The following LPP variants were observed in gnomAD, a reference collection of about 807,000 sequenced individuals.
LPP encodes lipoma-preferred partner.
In LPP, 38 loss-of-function variants were observed where a neutral mutation model predicts 60.4. The ratio of observed to expected loss-of-function variants is 0.63; its 90% CI spans 0.49 to 0.83. The LOEUF is 0.83. Among genes scored for constraint, LPP ranks in the 40% least tolerant of loss-of-function variants. The probability of loss-of-function intolerance (pLI) is 0.00; values close to 1 mark genes in which losing one functional copy is unlikely to be tolerated. For synonymous variants in LPP, 328 were observed against 290.8 expected, an observed-to-expected ratio of 1.13 and a Z score of -1.30; for missense variants, 902 against 783.6, an observed-to-expected ratio of 1.15 and a Z score of -1.80.
At chr3:188,580,893 G>A (rs749852147) in intron 6 of LPP, among the ~76,000 whole-genome samples, 1 of 152,014 alleles carries the variant, frequency 6.6e-6, no homozygotes, top group Non-Finnish European at 1.5e-5. Context: ...GAAGCTACTT[G>A]CCACAATGAG....
chr3:188,232,535 T>C (rs1720461717), intron 2 of LPP, among the ~76,000 whole-genome samples: 1 of 147,548 alleles, frequency 6.8e-6, no homozygotes, highest in East Asian at 2.0e-4. Context: ...TTTGTATTTT[T>C]AGTAGAGGAG....
intron 9 of LPP, among the ~76,000 whole-genome samples, chr3:188,857,992 G>C (rs1764245761): frequency 6.6e-6 from 1 of 152,094 alleles, no homozygotes. Context: ...GATAATATGT[G>C]AACTCATTTA....
chr3:188,559,353 T>C (rs1830172328), intron 6 of LPP, among the ~76,000 whole-genome samples: 1 of 152,066 alleles, frequency 6.6e-6, no homozygotes, highest in Non-Finnish European at 1.5e-5. Context: ...CAGATATATA[T>C]GTAGTGTAAC....
chr3:188,234,797 G>A (rs139247890), intron 2 of LPP, among the ~76,000 whole-genome samples: 7 of 152,258 alleles, frequency 4.6e-5, no homozygotes, highest in African/African-American at 1.7e-4. Flanking sequence ...TTGCTTCCTA[G>A]GAGTTATGAT....
At chr3:188,163,258 G>C (rs1233900267) in intron 1 of LPP, among the ~76,000 whole-genome samples, 1 of 152,160 alleles carries the variant, frequency 6.6e-6, no homozygotes, top group African/African-American at 2.4e-5. Context: ...GTGAAACCAG[G>C]TCTTCTTCAG....
At chr3:188,703,711 T>C (rs763562232) in intron 7 of LPP, among the ~76,000 whole-genome samples, 1 of 152,194 alleles carries the variant, frequency 6.6e-6, no homozygotes, top group Admixed American at 6.5e-5. Context: ...TTTCCAAGTG[T>C]TATTTCAGAA....
In LPP at chr3:188,694,879, A is replaced by G. The variant is rs192102130; in HGVS notation, c.1114-13388A>G. ...TAAGAAAGGTTCTTTTGATAGTTCAAGACTTTGTAATGTATGTGAAATTCC... is the reference window on the plus strand; with the variant it reads ...TAAGAAAGGTTCTTTTGATAGTTCAGGACTTTGTAATGTATGTGAAATTCC... On this transcript the variant is annotated intron_variant, in intron 7 of 11. Transcript: ENST00000617246. 2.9e-3 allele frequency among the ~76,000 whole-genome samples: 448 copies of G among 152,302 alleles called. 1 individual carries two copies. The highest frequency in any genetic ancestry group is 5.1e-3 in the Non-Finnish European group (344 of 68,030).
intron 9 of LPP, among the ~76,000 whole-genome samples, chr3:188,791,063 G>A (rs141749266): frequency 7.2e-5 from 11 of 152,216 alleles, no homozygotes; most frequent in African/African-American, 1.9e-4. Context: ...ATGGACAAGC[G>A]GGTGACTTAC....
chr3:188,612,426 T>C (rs1366191054), intron 7 of LPP, among the ~76,000 whole-genome samples: 1 of 152,228 alleles, frequency 6.6e-6, no homozygotes, highest in Non-Finnish European at 1.5e-5. Flanking sequence ...TTTGGCTTAA[T>C]TATGTGACTA....
chr3:188,589,447 T>A (rs1354766013), intron 6 of LPP, among the ~76,000 whole-genome samples: 1 of 152,096 alleles, frequency 6.6e-6, no homozygotes, highest in Non-Finnish European at 1.5e-5. Flanking sequence ...ATTAGATAAA[T>A]AAGATATGTA....
chr3:188,465,526 A>T (rs916630125), intron 4 of LPP, among the ~76,000 whole-genome samples: 2 of 152,188 alleles, frequency 1.3e-5, no homozygotes, highest in Admixed American at 1.3e-4. Flanking sequence ...CTTCATTCCA[A>T]AGAATGTGTG....
chr3:188,376,742 G>A (rs1775223923), intron 3 of LPP, among the ~76,000 whole-genome samples: 1 of 152,162 alleles, frequency 6.6e-6, no homozygotes, highest in Non-Finnish European at 1.5e-5. Flanking sequence ...ATTCGATCCT[G>A]TCATTATGAT....
At chr3:188,783,981 TA>T (rs1740704145) in intron 9 of LPP, among the ~76,000 whole-genome samples, 1 of 152,106 alleles carries the variant, frequency 6.6e-6, no homozygotes, top group South Asian at 2.1e-4. Context: ...GTTACATGAG[TA>T]AGTTCTTAGT....
At chr3:188,382,965 G>A (rs968290239) in intron 3 of LPP, among the ~76,000 whole-genome samples, 3 of 152,122 alleles carry the variant, frequency 2.0e-5, no homozygotes, top group Non-Finnish European at 2.9e-5. Flanking sequence ...CTTAAAACCC[G>A]TAGGGACATA....
At chr3:188,722,426 A>G (rs988615233) in intron 8 of LPP, among the ~76,000 whole-genome samples, 1 of 152,202 alleles carries the variant, frequency 6.6e-6, no homozygotes, top group Non-Finnish European at 1.5e-5. Flanking sequence ...TGAATAATTC[A>G]TCTTTTGTCA....
At position 188,828,474 on chromosome 3, in the gene LPP, G is replaced by A. The variant is rs553894081; in HGVS notation, c.1411-37726G>A. 1.0e-3 allele frequency among the ~76,000 whole-genome samples: 157 copies of A among 151,444 alleles called. 1 individual carries two copies. Among genetic ancestry groups the A allele is most frequent in the Non-Finnish European group, 2.0e-3 (137 of 67,840 alleles). ...ACAAAAAAAAAAAAAAATTAGCTGG[G>A]CATGGTGGCGGGCACCTGTAATCCT... is the stretch of plus-strand genomic sequence containing the variant. On this transcript the variant is annotated intron_variant, in intron 9 of 11. Coordinates refer to ENST00000617246, the MANE Select transcript of LPP (RefSeq NM_001375462.1).
chr3:188,291,456 G>A (rs998269070), intron 2 of LPP, among the ~76,000 whole-genome samples: 2 of 151,814 alleles, frequency 1.3e-5, no homozygotes, highest in African/African-American at 4.8e-5. Context: ...TGGCTAACAC[G>A]GTGAAACCCC....
intron 6 of LPP, among the ~76,000 whole-genome samples, chr3:188,539,146 A>C (rs1432416931): frequency 1.3e-5 from 2 of 152,204 alleles, no homozygotes; most frequent in Non-Finnish European, 2.9e-5. Context: ...TAAAGGGCAT[A>C]TTTTATGGTA....
chr3:188,728,448 T>C (rs1055670595), intron 8 of LPP, among the ~76,000 whole-genome samples: 1 of 152,204 alleles, frequency 6.6e-6, no homozygotes, highest in African/African-American at 2.4e-5. Flanking sequence ...ATTTGATGGT[T>C]CTGGAGTAAT....
Sources: gnomAD v4.1 joint callset for allele counts (sites outside exome capture counted in the v4.1 genomes callset) on GRCh38, gnomAD v4.1.1 for gene constraint, MANE v1.5 for transcripts, NCBI Gene and HGNC (gene_info 2026-07-23, HGNC 2026-07-21) for gene names.